ENPP1: variants seen among roughly 807,000 people sequenced by gnomAD.
The protein encoded by ENPP1 is ectonucleotide pyrophosphatase/phosphodiesterase family member 1.
A neutral mutation model predicts 122.8 loss-of-function variants in ENPP1; 73 were observed. The observed-to-expected ratio is 0.59, with a 90% CI of 0.49 to 0.72. The LOEUF (loss-of-function observed/expected upper bound fraction) is 0.72. Ranked by LOEUF, ENPP1 falls within the 30% of genes least tolerant of loss-of-function variation. ENPP1 has a pLI of 0.00. For missense variants in ENPP1, 978 were observed against 1,128.1 expected (o/e 0.87, Z 1.91); for synonymous variants, 367 against 391.6 (o/e 0.94, Z 0.74).
chr6:131,812,571 C>T (rs1044819904), intron 1 of ENPP1, among the ~76,000 whole-genome samples: 2 of 152,124 alleles, frequency 1.3e-5, no homozygotes, highest in African/African-American at 4.8e-5. Context: ...AAGAGTATCA[C>T]CTTGTTAATG....
Position 131,820,214 on chromosome 6 carries a change from T to C in ENPP1, c.240+11939T>C, listed in dbSNP as rs116722205. On this transcript the variant is annotated intron_variant, in intron 1 of 24. Coordinates refer to ENST00000647893, the MANE Select transcript of ENPP1 (RefSeq NM_006208.3). ...ATCTGAAAAGGCATCTTAGGGTTGT[T>C]AGTAACTTTTAGAAGTATAATGGGA... is the stretch of plus-strand genomic sequence containing the variant. 4.8e-3 allele frequency: 1,028 copies of C among 214,722 alleles called. 4 individuals carry two copies. The highest frequency in any genetic ancestry group is 0.023 in the African/African-American group (973 of 42,872). 13.3% of individuals were successfully genotyped at this position (214,722 alleles called of 1,614,324 possible).
At chr6:131,830,230 G>C (rs981345774) in intron 1 of ENPP1, among the ~76,000 whole-genome samples, 4 of 152,148 alleles carry the variant, frequency 2.6e-5, no homozygotes, top group African/African-American at 7.2e-5. Flanking sequence ...AAGTAGGGCT[G>C]TGCAGAGGGT....
chr6:131,880,858 C>A (rs1782296230), intron 20 of ENPP1, among the ~76,000 whole-genome samples: 1 of 152,100 alleles, frequency 6.6e-6, no homozygotes, highest in Non-Finnish European at 1.5e-5. Context: ...CTGCCCACCA[C>A]CAACACCAGA....
intron 6 of ENPP1, among the ~76,000 whole-genome samples, chr6:131,855,347 A>G (rs1308685632): frequency 6.6e-6 from 1 of 152,158 alleles, no homozygotes; most frequent in Non-Finnish European, 1.5e-5. Context: ...TATTTTTGAG[A>G]CTGAGTCTCA....
At chr6:131,863,925 A>C (rs1427652635) in intron 9 of ENPP1, among the ~76,000 whole-genome samples, 2 of 152,034 alleles carry the variant, frequency 1.3e-5, no homozygotes, top group Non-Finnish European at 2.9e-5. Context: ...AAAAAAAACA[A>C]AGAAGAGTTT....
chr6:131,808,247 A>T lies in ENPP1; in HGVS notation c.212A>T (p.Asp71Val). 6.6e-7 allele frequency: 1 copy of T among 1,518,342 alleles called. No individual in the cohort carries two copies. The highest frequency in any genetic ancestry group is 8.8e-7 in the Non-Finnish European group (1 of 1,132,700). 94.1% of individuals were successfully genotyped at this position (1,518,342 alleles called of 1,614,324 possible). A position where few individuals can be genotyped will look rare whatever the true frequency, so the allele number is the denominator to read the frequency against. ...EKAARARTAK[D>V]PNTYKVLSLV... Reference sequence around the variant, plus strand: ...GCGGCGCGCGCCCGCACTGCCAAGGACCCCAACACCTATAAAGTACTCTCG... The same window carrying T: ...GCGGCGCGCGCCCGCACTGCCAAGGTCCCCAACACCTATAAAGTACTCTCG... Residue 71 changes from aspartate (D) to valine (V), a missense_variant, in exon 1 of 25, where the codon GAC becomes GTC. Coordinates refer to ENST00000647893, the MANE Select transcript of ENPP1 (RefSeq NM_006208.3).
At chr6:131,885,167 T>C (rs1201787969) in intron 23 of ENPP1, 104 bp downstream of exon 23, 2 of 1,059,220 alleles carry the variant, frequency 1.9e-6, no homozygotes, top group Non-Finnish European at 2.9e-6. Context: ...CAGTGTCGTA[T>C]GTTTATGTGT....
chr6:131,852,379 G>T (rs1781893361), intron 5 of ENPP1, 144 bp downstream of exon 5: 3 of 644,010 alleles, frequency 4.7e-6, no homozygotes, highest in South Asian at 3.6e-5. Flanking sequence ...CAAAATGTTT[G>T]GTATGAGAAC....
chr6:131,860,598 C>T, intron 8 of ENPP1, 92 bp downstream of exon 8: 1 of 977,654 alleles, frequency 1.0e-6, no homozygotes, highest in Non-Finnish European at 1.6e-6. Flanking sequence ...CTTTTAATAA[C>T]TGATTTCATT....
At chr6:131,829,304 T>C (rs1477929564) in intron 1 of ENPP1, among the ~76,000 whole-genome samples, 1 of 152,236 alleles carries the variant, frequency 6.6e-6, no homozygotes, top group Non-Finnish European at 1.5e-5. Flanking sequence ...TAACGACATA[T>C]CTTTCTTGAT....
chr6:131,813,189 C>G (rs1484774793), intron 1 of ENPP1, among the ~76,000 whole-genome samples: 1 of 151,848 alleles, frequency 6.6e-6, no homozygotes, highest in Non-Finnish European at 1.5e-5. Context: ...AAGGCTCTGT[C>G]TAAAACTTGG....
At chr6:131,865,982 G>A (rs555919753) in intron 11 of ENPP1, among the ~76,000 whole-genome samples, 6 of 145,888 alleles carry the variant, frequency 4.1e-5, no homozygotes, top group South Asian at 2.1e-4. Flanking sequence ...GGCACAGAGC[G>A]GGACTCTGTC....
At chr6:131,872,639 A>G (rs544116842) in intron 14 of ENPP1, among the ~76,000 whole-genome samples, 2 of 152,262 alleles carry the variant, frequency 1.3e-5, no homozygotes, top group African/African-American at 4.8e-5. Flanking sequence ...TGCAGTAATA[A>G]TTATGATTTC....
At chr6:131,824,764 T>G (rs1268047198) in intron 1 of ENPP1, among the ~76,000 whole-genome samples, 1 of 152,042 alleles carries the variant, frequency 6.6e-6, no homozygotes, top group Non-Finnish European at 1.5e-5. Flanking sequence ...GGTTTTTGTT[T>G]TAAGAGCAAT....
At chr6:131,827,595 C>T in intron 1 of ENPP1, 1 of 593,690 alleles carries the variant, frequency 1.7e-6, no homozygotes, top group Non-Finnish European at 3.1e-6. Flanking sequence ...AAATATGGAA[C>T]ATAAGTTATG....
chr6:131,890,198 A>T, intron 24 of ENPP1, 143 bp from the exon 25 acceptor site: 1 of 711,104 alleles, frequency 1.4e-6, no homozygotes, highest in Non-Finnish European at 2.6e-6. Context: ...TCAAGAGGAG[A>T]GATGATGCCT....
At chr6:131,833,693 C>T (rs2114673461) in intron 1 of ENPP1, among the ~76,000 whole-genome samples, 1 of 152,292 alleles carries the variant, frequency 6.6e-6, no homozygotes, top group East Asian at 1.9e-4. Context: ...ATTTTGTTTA[C>T]TAAGCACTTC....
chr6:131,830,381 G>A (rs1167283218), intron 1 of ENPP1, among the ~76,000 whole-genome samples: 1 of 152,150 alleles, frequency 6.6e-6, no homozygotes, highest in Non-Finnish European at 1.5e-5. Flanking sequence ...GAGACTTTGG[G>A]CAAAGCGGCT....
In ENPP1 at chr6:131,882,480, T is replaced by C. The variant is rs773952395; in HGVS notation, c.2230+6T>C. 12 of 1,600,448 alleles carry C rather than the reference T, an allele frequency of 7.5e-6. No homozygotes were observed. Among genetic ancestry groups the C allele is most frequent in the Non-Finnish European group, 9.4e-6 (11 of 1,171,474 alleles). On this transcript the variant is annotated splice_donor_region_variant and intron_variant, in intron 21 of 24. Coordinates refer to ENST00000647893, the MANE Select transcript of ENPP1 (RefSeq NM_006208.3). ...CGGGTTCCTCTCCCCACCACGTAAGTTTTTTCCTCTCCTGACCTTCCCTTT... is the reference window on the plus strand; with the variant it reads ...CGGGTTCCTCTCCCCACCACGTAAGCTTTTTCCTCTCCTGACCTTCCCTTT...
Sources: gnomAD v4.1 joint callset for allele counts (sites outside exome capture counted in the v4.1 genomes callset) on GRCh38, gnomAD v4.1.1 for gene constraint, MANE v1.5 for transcripts, NCBI Gene and HGNC (gene_info 2026-07-23, HGNC 2026-07-21) for gene names.